PHF8: variants seen among roughly 807,000 people sequenced by gnomAD.
The protein encoded by PHF8 is PHD finger protein 8.
PHF8 carries 9 observed loss-of-function variants against 74.4 expected under a neutral mutation model. The observed-to-expected ratio is 0.12, with a 90% CI of 0.07 to 0.21. The LOEUF (loss-of-function observed/expected upper bound fraction) is 0.21. PHF8 is among the 10% of genes least tolerant of loss of function. The pLI is 1.00. For missense variants in PHF8, 478 were observed against 816.6 expected, an observed-to-expected ratio of 0.59 and a Z score of 5.05; for synonymous variants, 311 against 316.6, an observed-to-expected ratio of 0.98 and a Z score of 0.19.
At chrX:53,944,096 CTA>C in intron 20 of PHF8, 36 bp downstream of exon 20, 1 of 860,123 alleles carries the variant, frequency 1.2e-6, no homozygotes, top group Non-Finnish European at 1.7e-6. Context: ...AGTCAAACTG[CTA>C]TTAGTTGCAG....
chrX:54,023,754 T>C (rs2066216846), intron 2 of PHF8, among the ~76,000 whole-genome samples: 1 of 99,142 alleles, frequency 1.0e-5, no homozygotes, highest in African/African-American at 3.9e-5. Context: ...GCTGGGAGGA[T>C]CCCTTGAACC....
intron 9 of PHF8, 146 bp from the exon 10 acceptor site, chrX:54,002,407 T>C: frequency 3.6e-6 from 2 of 549,679 alleles, no homozygotes; most frequent in Non-Finnish European, 6.4e-6. Context: ...AAACTTGGGT[T>C]CAAAGGTTAT....
At chrX:54,033,300 G>C (rs1184201313) in intron 2 of PHF8, among the ~76,000 whole-genome samples, 2 of 112,057 alleles carry the variant, frequency 1.8e-5, no homozygotes, top group African/African-American at 3.2e-5. Flanking sequence ...AATAAGAAAA[G>C]AAAATCAACA....
intron 18 of PHF8, among the ~76,000 whole-genome samples, chrX:53,984,044 A>T (rs1329408973): frequency 8.9e-6 from 1 of 112,604 alleles, no homozygotes; most frequent in Non-Finnish European, 1.9e-5. Flanking sequence ...ATAAGCATTA[A>T]CCATATTTGT....
intron 12 of PHF8, among the ~76,000 whole-genome samples, chrX:53,994,251 C>T (rs1243592912): frequency 8.9e-6 from 1 of 112,463 alleles, no homozygotes; most frequent in Admixed American, 9.4e-5. Flanking sequence ...GGTTCTAGTC[C>T]TAATTCTGCT....
Position 54,002,165 on chromosome X carries a change from G to C in PHF8, c.1131C>G (p.Asp377Glu), listed in dbSNP as rs1557104367. 1 of 1,178,571 alleles carries C rather than the reference G, an allele frequency of 8.5e-7. No homozygotes were observed. The highest frequency in any genetic ancestry group is 2.2e-5 in the Admixed American group (1 of 45,863). The change falls in exon 10 of 22, where the codon GAC becomes GAG. Residue 377 changes from aspartate (D) to glutamate (E), a missense_variant. Asp to Glu is a conservative substitution (Grantham distance 45, BLOSUM62 2). Coordinates refer to ENST00000338154, the MANE Select transcript of PHF8 (RefSeq NM_015107.3). Reference protein sequence around the residue: ...ICWYVGKHILDIFRGLRENRR... With the variant: ...ICWYVGKHILEIFRGLRENRR... ...CAAAGGGCTCCATACCGCGAAAGAT[G>C]TCCAGGATGTGCTTTCCCACATACC...
At chrX:54,045,495 C>T (rs1395752310), upstream of PHF8, among the ~76,000 whole-genome samples, 1 of 112,349 alleles carries the variant, frequency 8.9e-6, no homozygotes, top group African/African-American at 3.2e-5. Flanking sequence ...GGGCATCTGC[C>T]AGTGCAGGAA....
intron 19 of PHF8, among the ~76,000 whole-genome samples, chrX:53,950,989 A>G (rs782771284): frequency 8.9e-6 from 1 of 112,584 alleles, no homozygotes; most frequent in South Asian, 3.7e-4. Context: ...TAAATCAGCT[A>G]TTTTAAATGC....
Position 53,993,689 on chromosome X carries a change from G to T in PHF8, c.1538C>A (p.Ala513Asp), listed in dbSNP as rs1557102015. 1 of 1,209,223 alleles carries T rather than the reference G, an allele frequency of 8.3e-7. No homozygotes were observed. The highest frequency in any genetic ancestry group is 1.1e-6 in the Non-Finnish European group (1 of 892,755). ...KAERKGKESS[A>D]LGPAGQLSYN... ...GCTCAACTGGCCAGCAGGCCCCAAG[G>T]CTGAACTCTCCTTGCCCTTTCGCTC... Residue 513 changes from alanine to aspartate, a missense_variant, in exon 13 of 22, where the codon GCC becomes GAC. Physicochemically the swap from Ala to Asp is moderately radical, Grantham distance 126 (BLOSUM62 -2). Coordinates refer to ENST00000338154, the MANE Select transcript of PHF8 (RefSeq NM_015107.3).
chrX:53,995,682 A>G lies in PHF8; in HGVS notation c.1323+11T>C, dbSNP rs1557102621. ...CCAAATGCCTTTTCTTCCCTGCCCCATGCTCCTTACTTCCACCAGGCGGAT... is the reference window on the plus strand; with the variant it reads ...CCAAATGCCTTTTCTTCCCTGCCCCGTGCTCCTTACTTCCACCAGGCGGAT... On this transcript the variant is annotated intron_variant, in intron 12 of 21. Transcript: ENST00000338154. The G allele has an allele frequency of 8.8e-7, 1 of 1,141,793 alleles. No homozygotes were observed. Among genetic ancestry groups the G allele is most frequent in the South Asian group, 1.8e-5 (1 of 55,216 alleles). 94.1% of individuals were successfully genotyped at this position (1,141,793 alleles called of 1,213,427 possible).
chrX:54,022,570 G>A (rs1347363700), intron 3 of PHF8, among the ~76,000 whole-genome samples, 188 bp downstream of exon 3: 1 of 111,723 alleles, frequency 9.0e-6, no homozygotes, highest in Non-Finnish European at 1.9e-5. Context: ...AAGGGAGGGA[G>A]GTGAAGTTAT....
At chrX:53,955,557 CTTTT>C (rs369969712) in intron 19 of PHF8, among the ~76,000 whole-genome samples, 6 of 72,994 alleles carry the variant, frequency 8.2e-5, no homozygotes, top group Non-Finnish European at 1.2e-4. Context: ...CTCTTCTTTT[CTTTT>C]TTTTTTTTTT....
intron 18 of PHF8, among the ~76,000 whole-genome samples, chrX:53,978,569 C>T (rs868994859): frequency 4.5e-5 from 5 of 110,018 alleles, no homozygotes; most frequent in Non-Finnish European, 7.6e-5. Flanking sequence ...GAGGCTGAGG[C>T]GGGCGGATCA....
chrX:53,991,092 T>A (rs1413559170), intron 14 of PHF8, among the ~76,000 whole-genome samples: 1 of 112,037 alleles, frequency 8.9e-6, no homozygotes, highest in Non-Finnish European at 1.9e-5. Flanking sequence ...GAAGCTCAGA[T>A]AGGTTCATTA....
intron 18 of PHF8, among the ~76,000 whole-genome samples, chrX:53,979,378 T>C (rs1557097289): frequency 9.0e-6 from 1 of 111,124 alleles, no homozygotes; most frequent in Non-Finnish European, 1.9e-5. Context: ...CGAGACTCTG[T>C]CTCAAAAATA....
chrX:53,964,640 T>C lies in PHF8; in HGVS notation c.2444-1701A>G, dbSNP rs781886278. ...CTGCACTCTGGGAGGCTGAGGCAGG[T>C]GGATCACCTGAGGTCATGAGTTCGA... On this transcript the variant is annotated intron_variant, in intron 18 of 21. Coordinates refer to ENST00000338154, the MANE Select transcript of PHF8 (RefSeq NM_015107.3). Among the ~76,000 whole-genome samples the C allele has an allele frequency of 1.2e-4, 13 of 110,621 alleles. No individual in the cohort carries two copies. The East Asian group carries it at 3.1e-3, about 27-fold the overall frequency.
At chrX:53,979,766 CA>C (rs1338240053) in intron 18 of PHF8, among the ~76,000 whole-genome samples, 31 of 110,420 alleles carry the variant, frequency 2.8e-4, no homozygotes, top group Admixed American at 2.3e-3. Flanking sequence ...GATTTTAAAA[CA>C]AAAAAAAATC....
At chrX:54,000,454 C>T (rs1345335438) in intron 10 of PHF8, among the ~76,000 whole-genome samples, 1 of 112,440 alleles carries the variant, frequency 8.9e-6, no homozygotes, top group Non-Finnish European at 1.9e-5. Context: ...CTACTACAAA[C>T]AGCCAGATTT....
At position 53,983,702 on chromosome X, in the gene PHF8, T is replaced by G. The variant is rs782025864; in HGVS notation, c.2443+1212A>C. Among the ~76,000 whole-genome samples the G allele has an allele frequency of 5.3e-5, 6 of 112,347 alleles. No homozygotes were observed. The East Asian group carries it at 1.7e-3, about 31-fold the overall frequency. ...TACTGTAAGAATTTTCATTGCAGCA[T>G]TGTTAGTAAAAGTAAAAACTTAGGA... is the stretch of plus-strand genomic sequence containing the variant. On this transcript the variant is annotated intron_variant, in intron 18 of 21. Transcript: ENST00000338154.
Sources: allele counts gnomAD v4.1 joint callset (sites outside exome capture counted in the v4.1 genomes callset), GRCh38; gene constraint gnomAD v4.1.1; transcripts MANE v1.5; gene names NCBI Gene and HGNC (gene_info 2026-07-23, HGNC 2026-07-21).